The following DPYD variants were observed in gnomAD, a reference collection of about 807,000 sequenced individuals.
DPYD encodes the protein dihydropyrimidine dehydrogenase.
In DPYD, 109 loss-of-function variants were observed where a neutral mutation model predicts 116.2. The ratio of observed to expected loss-of-function variants is 0.94; its 90% CI spans 0.80 to 1.10. The LOEUF is 1.10. Among genes scored for constraint, DPYD ranks in the 50% least tolerant of loss-of-function variants. The pLI is 0.00. For synonymous variants in DPYD, 440 were observed against 432.0 expected (o/e 1.02, Z -0.23); for missense variants, 1,302 against 1,254.5 (o/e 1.04, Z -0.57).
chr1:97,885,839 A>G (rs1330236937), intron 1 of DPYD, among the ~76,000 whole-genome samples: 2 of 152,102 alleles, frequency 1.3e-5, no homozygotes, highest in Non-Finnish European at 2.9e-5. Flanking sequence ...TTTGAGATAT[A>G]AGGTAGGAAA....
chr1:97,247,542 G>T (rs1164532020), intron 18 of DPYD, among the ~76,000 whole-genome samples: 1 of 152,152 alleles, frequency 6.6e-6, no homozygotes, highest in East Asian at 1.9e-4. Context: ...AAAACTAGTA[G>T]TGATTTGTAT....
At chr1:97,621,585 G>A (rs1394856674) in intron 8 of DPYD, among the ~76,000 whole-genome samples, 1 of 152,052 alleles carries the variant, frequency 6.6e-6, no homozygotes, top group Non-Finnish European at 1.5e-5. Context: ...GCATAGGTTA[G>A]TATACACATA....
At position 97,172,364 on chromosome 1, in the gene DPYD, G is replaced by A. The variant is rs1205681503; in HGVS notation, c.2622+20705C>T. ...ACGAGCCCAAAAATGCTAAGAGGAGGGAAAGACATGATTTGATACAAAGTA... is the reference window on the plus strand; with the variant it reads ...ACGAGCCCAAAAATGCTAAGAGGAGAGAAAGACATGATTTGATACAAAGTA... On this transcript the variant is annotated intron_variant, in intron 20 of 22. Transcript: ENST00000370192. 3.9e-5 allele frequency among the ~76,000 whole-genome samples: 6 copies of A among 152,114 alleles called. No homozygotes were observed. In the East Asian group the frequency reaches 1.2e-3, roughly 29 times the overall value.
chr1:97,520,681 T>C (rs1018622343), intron 12 of DPYD, among the ~76,000 whole-genome samples: 1 of 151,646 alleles, frequency 6.6e-6, no homozygotes, highest in Admixed American at 6.6e-5. Context: ...TGTGTCCATG[T>C]GTTCTCATTG....
intron 3 of DPYD, among the ~76,000 whole-genome samples, chr1:97,767,894 C>T (rs928357398): frequency 6.6e-6 from 1 of 151,038 alleles, no homozygotes; most frequent in Admixed American, 6.6e-5. Context: ...AGAGCCAAAA[C>T]TAGATAATCA....
At chr1:97,832,783 T>C (rs939485046) in intron 2 of DPYD, among the ~76,000 whole-genome samples, 1 of 152,200 alleles carries the variant, frequency 6.6e-6, no homozygotes, top group Non-Finnish European at 1.5e-5. Context: ...TAGTGTTTTA[T>C]ATCTCATCTG....
chr1:97,120,402 C>A (rs1426918122), intron 20 of DPYD, among the ~76,000 whole-genome samples: 2 of 152,116 alleles, frequency 1.3e-5, no homozygotes, highest in African/African-American at 4.8e-5. Flanking sequence ...AGACAGCTTT[C>A]CTTGAAGACA....
chr1:97,093,639 C>G (rs990353562), intron 21 of DPYD, among the ~76,000 whole-genome samples: 1 of 152,128 alleles, frequency 6.6e-6, no homozygotes, highest in Non-Finnish European at 1.5e-5. Context: ...AACGGCAATG[C>G]CATAGTTTGA....
chr1:97,416,635 G>T (rs1462954677), intron 14 of DPYD, among the ~76,000 whole-genome samples: 1 of 152,182 alleles, frequency 6.6e-6, no homozygotes. Flanking sequence ...GTGGTAGAAA[G>T]CTTCACATTA....
At chr1:97,574,634 G>A (rs748281320) in intron 10 of DPYD, among the ~76,000 whole-genome samples, 14 of 151,928 alleles carry the variant, frequency 9.2e-5, no homozygotes, top group African/African-American at 3.4e-4. Context: ...TGGATACCTC[G>A]GTTTCTGTTT....
chr1:97,222,051 A>C (rs559294387), intron 19 of DPYD, among the ~76,000 whole-genome samples: 1 of 152,258 alleles, frequency 6.6e-6, no homozygotes, highest in East Asian at 1.9e-4. Flanking sequence ...AGGAACAAAG[A>C]TATACAATGT....
intron 12 of DPYD, among the ~76,000 whole-genome samples, chr1:97,547,655 T>C (rs1417292426): frequency 1.3e-5 from 2 of 151,432 alleles, no homozygotes; most frequent in African/African-American, 4.8e-5. Context: ...GGCTCCTTTC[T>C]CTCTCTTTCT....
chr1:97,810,948 C>T (rs1382776882), intron 3 of DPYD, among the ~76,000 whole-genome samples: 4 of 152,116 alleles, frequency 2.6e-5, no homozygotes, highest in Admixed American at 2.6e-4. Flanking sequence ...CACAATGTAA[C>T]TCCGTACCCT....
chr1:97,113,462 TG>T (rs1651748617), intron 20 of DPYD, among the ~76,000 whole-genome samples: 1 of 152,108 alleles, frequency 6.6e-6, no homozygotes, highest in Non-Finnish European at 1.5e-5. Flanking sequence ...AAATTGAGTT[TG>T]GGGGGATTAT....
intron 4 of DPYD, among the ~76,000 whole-genome samples, chr1:97,731,486 G>A (rs945315952): frequency 4.6e-5 from 7 of 151,866 alleles, no homozygotes; most frequent in Non-Finnish European, 7.4e-5. Context: ...CATTCAAGAC[G>A]TTAATAGCAC....
intron 19 of DPYD, among the ~76,000 whole-genome samples, chr1:97,195,588 ATATATATG>A (rs767074531): frequency 0.12 from 6,750 of 58,680 alleles, 686 homozygotes; most frequent in East Asian, 0.51. Flanking sequence ...ATATATATAT[ATATATATG>A]TGTGTGTGTG....
chr1:97,779,072 T>G (rs978656497), intron 3 of DPYD, among the ~76,000 whole-genome samples: 1 of 152,106 alleles, frequency 6.6e-6, no homozygotes, highest in Non-Finnish European at 1.5e-5. Flanking sequence ...AGTTATTAGC[T>G]CTATTGAAAG....
chr1:97,549,862 G>A, intron 11 of DPYD, 118 bp from the exon 12 acceptor site: 1 of 919,452 alleles, frequency 1.1e-6, no homozygotes, highest in Non-Finnish European at 1.6e-6. Context: ...TCAAACAACT[G>A]TTTTTAGTAA....
At chr1:97,444,230 A>C (rs1053872642) in intron 14 of DPYD, among the ~76,000 whole-genome samples, 1 of 152,178 alleles carries the variant, frequency 6.6e-6, no homozygotes, top group Non-Finnish European at 1.5e-5. Flanking sequence ...AGAGAGTTGG[A>C]ATAACACATA....
Sources: allele counts gnomAD v4.1 joint callset (sites outside exome capture counted in the v4.1 genomes callset), GRCh38; gene constraint gnomAD v4.1.1; transcripts MANE v1.5; gene names NCBI Gene and HGNC (gene_info 2026-07-23, HGNC 2026-07-21).